Variants in CREBBP observed in about 807,000 individuals in gnomAD.
The protein encoded by CREBBP is CREB-binding protein.
Under a neutral mutation model 265.0 loss-of-function variants are expected in CREBBP, and 19 were observed. The ratio of observed to expected loss-of-function variants is 0.07; its 90% CI spans 0.05 to 0.11. CREBBP has a LOEUF of 0.11. Ranked by LOEUF, CREBBP falls within the 10% of genes least tolerant of loss-of-function variation. CREBBP has a pLI of 1.00. For synonymous variants in CREBBP, 1,457 were observed against 1,223.7 expected (o/e 1.19, Z -3.98); for missense variants, 2,525 against 3,219.0 (o/e 0.78, Z 5.22).
intron 2 of CREBBP, among the ~76,000 whole-genome samples, chr16:3,844,769 G>C (rs1371981515): frequency 6.6e-6 from 1 of 152,154 alleles, no homozygotes; most frequent in East Asian, 1.9e-4. Context: ...GATTACCAGA[G>C]TAGCGTATAC....
rs567290539 is a variant in CREBBP, at chr16:3,726,243, G to T, written c.*1475C>A. 12 of 232,672 alleles carry T rather than the reference G, an allele frequency of 5.2e-5. No individual in the cohort carries two copies. Among genetic ancestry groups the T allele is most frequent in the African/African-American group, 1.3e-4 (6 of 45,124 alleles). 14.4% of individuals were successfully genotyped at this position (232,672 alleles called of 1,614,324 possible). A position where few individuals can be genotyped will look rare whatever the true frequency, so the allele number is the denominator to read the frequency against. On this transcript the variant is annotated 3_prime_UTR_variant, in exon 31 of 31. Transcript: ENST00000262367. ...TCAGATTCTGGGAGTCGTGTACGGG[G>T]GGGGGGAGCCGCCTGAACACGGGAA...
chr16:3,740,974 C>T lies in CREBBP; in HGVS notation c.3983-425G>A, dbSNP rs577776592. On this transcript the variant is annotated intron_variant, in intron 23 of 30. Transcript: ENST00000262367. ...AGAAAGTCCCTACTATGGAGTCTGA[C>T]GTGAACGTGGAACGTTCTAGGGCTA... The T allele has an allele frequency of 1.8e-4, 60 of 339,702 alleles. 1 individual carries two copies. The highest frequency in any genetic ancestry group is 1.3e-3 in the South Asian group (56 of 41,882). 21.0% of individuals were successfully genotyped at this position (339,702 alleles called of 1,614,324 possible).
At chr16:3,874,212 A>G (rs1841056302) in intron 1 of CREBBP, among the ~76,000 whole-genome samples, 1 of 152,248 alleles carries the variant, frequency 6.6e-6, no homozygotes. Context: ...ACAGAGGAAC[A>G]AAAAAGACAG....
intron 26 of CREBBP, 145 bp from the exon 27 acceptor site, chr16:3,736,960 T>G (rs1236345911): frequency 9.7e-7 from 1 of 1,029,660 alleles, no homozygotes; most frequent in African/African-American, 1.6e-5. Flanking sequence ...CTGGGTGTGG[T>G]GGGGGCAAGG....
At chr16:3,852,664 G>A (rs1173824712) in intron 1 of CREBBP, among the ~76,000 whole-genome samples, 1 of 152,104 alleles carries the variant, frequency 6.6e-6, no homozygotes, top group South Asian at 2.1e-4. Flanking sequence ...CATACAGGAA[G>A]ATGAGAAGCA....
chr16:3,750,159 C>G (rs146314850), intron 20 of CREBBP, among the ~76,000 whole-genome samples: 1 of 152,114 alleles, frequency 6.6e-6, no homozygotes, highest in Admixed American at 6.5e-5. Context: ...AACCACCACG[C>G]CCTGTTAAGT....
intron 2 of CREBBP, among the ~76,000 whole-genome samples, chr16:3,817,435 G>A (rs1435057017): frequency 6.6e-6 from 1 of 152,172 alleles, no homozygotes; most frequent in African/African-American, 2.4e-5. Context: ...AGAAAGACCA[G>A]AAAGATTCTC....
chr16:3,757,827 T>A lies in CREBBP; in HGVS notation c.3591A>T (p.Gly1197=), dbSNP rs946105585. 6 of 1,614,050 alleles carry A rather than the reference T, an allele frequency of 3.7e-6. No individual in the cohort carries two copies. In the African/African-American group the frequency reaches 5.3e-5, roughly 14 times the overall value. The change falls in exon 18 of 31, where the codon GGA becomes GGT. Residue 1197 remains glycine, a synonymous_variant. Transcript: ENST00000262367. ...ACTGTACCTTGCGTCCACAGCAATA[T>A]CCAAGGGACTGCATGACAGGGTCAA... is the stretch of plus-strand genomic sequence containing the variant. ...QEIDPVMQSL[G]YCCGRKYEFS...
At chr16:3,817,879 C>T (rs969689999) in intron 2 of CREBBP, among the ~76,000 whole-genome samples, 30 of 152,140 alleles carry the variant, frequency 2.0e-4, no homozygotes, top group Admixed American at 1.3e-4. Context: ...CTGAGGGTCA[C>T]TCTAAGATCT....
chr16:3,751,629 A>G (rs913274324), intron 20 of CREBBP, 97 bp downstream of exon 20: 112 of 1,225,262 alleles, frequency 9.1e-5, no homozygotes, highest in Non-Finnish European at 1.3e-4. Context: ...GGAAGTCAAA[A>G]TGGCACCGGT....
intron 2 of CREBBP, among the ~76,000 whole-genome samples, chr16:3,844,472 A>G (rs1446975604): frequency 6.6e-6 from 1 of 152,236 alleles, no homozygotes; most frequent in Admixed American, 6.5e-5. Context: ...ACATTTAGAT[A>G]TTATCATTTA....
In CREBBP at chr16:3,731,342, C is replaced by T. The variant is rs1176795125; in HGVS notation, c.5022G>A (p.Lys1674=). The T allele has an allele frequency of 6.2e-7, 1 of 1,614,022 alleles. No individual in the cohort carries two copies. Among genetic ancestry groups the T allele is most frequent in the Non-Finnish European group, 8.5e-7 (1 of 1,179,966 alleles). ...RDAFLTLARD[K]HWEFSSLRRS... ...GGCGCAAGGAGGAGAACTCCCAGTG[C>T]TTGTCTCTGGCGAGGGTGAGGAAGG... Residue 1674 remains lysine (K), a synonymous_variant, in exon 30 of 31, where the codon AAG becomes AAA. Coordinates refer to ENST00000262367, the MANE Select transcript of CREBBP (RefSeq NM_004380.3). The surrounding 1 kb of genome is among the most constrained non-coding windows in gnomAD (Gnocchi z 7.7).
chr16:3,768,410 G>A (rs950526580), intron 15 of CREBBP, among the ~76,000 whole-genome samples: 2 of 152,108 alleles, frequency 1.3e-5, no homozygotes, highest in African/African-American at 4.8e-5. Flanking sequence ...GCCTCCCAAA[G>A]TGCTGGGATT....
chr16:3,749,122 C>T (rs1277718262), intron 21 of CREBBP, among the ~76,000 whole-genome samples: 6 of 152,044 alleles, frequency 3.9e-5, no homozygotes, highest in African/African-American at 1.2e-4. Flanking sequence ...ACTCCAGCCT[C>T]GGGGACAGAG....
chr16:3,735,268 G>A (rs1344663190), intron 28 of CREBBP, among the ~76,000 whole-genome samples: 1 of 152,280 alleles, frequency 6.6e-6, no homozygotes, highest in African/African-American at 2.4e-5. Flanking sequence ...CATCCTACCA[G>A]GACACAGCCA....
chr16:3,865,146 C>T (rs2055152098), intron 1 of CREBBP, among the ~76,000 whole-genome samples: 1 of 152,222 alleles, frequency 6.6e-6, no homozygotes. Flanking sequence ...ACTCTACCAA[C>T]ACACAGGCTC....
intron 2 of CREBBP, among the ~76,000 whole-genome samples, chr16:3,824,861 C>G (rs2054208406): frequency 6.6e-6 from 1 of 152,212 alleles, no homozygotes; most frequent in Non-Finnish European, 1.5e-5. Flanking sequence ...TCAATCACTC[C>G]CTGTGCCTCA....
At chr16:3,823,957 AACACACACACACACACACAC>A (rs57902688) in intron 2 of CREBBP, among the ~76,000 whole-genome samples, 2 of 148,020 alleles carry the variant, frequency 1.4e-5, no homozygotes, top group East Asian at 2.0e-4. Flanking sequence ...AGGCTGTGGC[AACACACACACACACACACAC>A]ACACACACAC....
chr16:3,805,860 C>G (rs1328748843), intron 3 of CREBBP, among the ~76,000 whole-genome samples: 3 of 152,104 alleles, frequency 2.0e-5, no homozygotes, highest in East Asian at 3.8e-4. Flanking sequence ...ACCACGAGTT[C>G]CAGCAGAACA....
Sources: allele counts gnomAD v4.1 joint callset (sites outside exome capture counted in the v4.1 genomes callset), GRCh38; gene constraint gnomAD v4.1.1; non-coding constraint Gnocchi (gnomAD v3.1); transcripts MANE v1.5; gene names NCBI Gene and HGNC (gene_info 2026-07-23, HGNC 2026-07-21).